The following ZNF385B variants were observed in gnomAD, a reference collection of about 807,000 sequenced individuals.
ZNF385B encodes zinc finger protein 385B.
A neutral mutation model predicts 39.2 loss-of-function variants in ZNF385B; 23 were observed. The observed-to-expected ratio is 0.59, with a 90% CI of 0.42 to 0.83. The LOEUF (loss-of-function observed/expected upper bound fraction) is 0.83, where lower values mean the gene tolerates loss of function less well. Ranked by LOEUF, ZNF385B falls within the 40% of genes least tolerant of loss-of-function variation. The pLI is 0.00. For synonymous variants in ZNF385B, 205 were observed against 222.6 expected (o/e 0.92, Z 0.70); for missense variants, 552 against 598.9 (o/e 0.92, Z 0.82).
At chr2:179,856,733 C>G (rs1287318995) in intron 1 of ZNF385B, among the ~76,000 whole-genome samples, 1 of 151,846 alleles carries the variant, frequency 6.6e-6, no homozygotes, top group Non-Finnish European at 1.5e-5. Context: ...AGCAACGCAA[C>G]TGGCCAGAGA....
intron 1 of ZNF385B, among the ~76,000 whole-genome samples, chr2:179,792,440 T>C (rs189446106): frequency 3.5e-4 from 52 of 146,944 alleles, no homozygotes; most frequent in African/African-American, 1.2e-3. Flanking sequence ...AGTGGCACCA[T>C]CTTGGCTCAC....
chr2:179,458,763 C>A (rs1408030385), intron 6 of ZNF385B, among the ~76,000 whole-genome samples: 1 of 152,138 alleles, frequency 6.6e-6, no homozygotes, highest in Non-Finnish European at 1.5e-5. Flanking sequence ...ACAAACCTTA[C>A]CCTTGTTTAC....
At chr2:179,764,816 T>C (rs1222813474) in intron 3 of ZNF385B, among the ~76,000 whole-genome samples, 1 of 152,236 alleles carries the variant, frequency 6.6e-6, no homozygotes, top group Non-Finnish European at 1.5e-5. Flanking sequence ...ATGTGTCAAC[T>C]TGACTGGGTC....
intron 3 of ZNF385B, among the ~76,000 whole-genome samples, chr2:179,655,530 G>A (rs988465285): frequency 1.3e-5 from 2 of 151,688 alleles, no homozygotes; most frequent in Non-Finnish European, 2.9e-5. Context: ...AATAGGTTAG[G>A]GTTTTAAGAG....
At chr2:179,836,419 A>C (rs1708246979) in intron 1 of ZNF385B, among the ~76,000 whole-genome samples, 1 of 152,228 alleles carries the variant, frequency 6.6e-6, no homozygotes, top group South Asian at 2.1e-4. Flanking sequence ...CAATAAAATA[A>C]AAATGTAAAA....
chr2:179,463,835 T>C lies in ZNF385B; in HGVS notation c.716-17065A>G, dbSNP rs536913728. 7.2e-5 allele frequency among the ~76,000 whole-genome samples: 11 copies of C among 152,308 alleles called. No homozygotes were observed. In the East Asian group the frequency reaches 1.3e-3, roughly 19 times the overall value. On this transcript the variant is annotated intron_variant, in intron 6 of 9. Transcript: ENST00000410066. ...CATACGTGTGCACGTGTCTTTATAG[T>C]AGAATGATTTATAATCCTTTGGGTA...
At chr2:179,608,865 T>C (rs974064127) in intron 3 of ZNF385B, among the ~76,000 whole-genome samples, 11 of 149,052 alleles carry the variant, frequency 7.4e-5, no homozygotes, top group African/African-American at 2.3e-4. Context: ...TGTGTGTGTG[T>C]GTGTGTGTGT....
Position 179,544,977 on chromosome 2 carries a change from G to A in ZNF385B, c.299-8C>T. The A allele has an allele frequency of 6.2e-7, 1 of 1,613,548 alleles. No homozygotes were observed. The highest frequency in any genetic ancestry group is 8.5e-7 in the Non-Finnish European group (1 of 1,179,704). On this transcript the variant is annotated splice_region_variant and splice_polypyrimidine_tract_variant and intron_variant, in intron 3 of 9. Coordinates refer to ENST00000410066, the MANE Select transcript of ZNF385B (RefSeq NM_152520.6). ...TAGTGTGGCATGTACTGCCTGCCAA[G>A]AACAAAACAAAAATGAATTCAATTT...
intron 3 of ZNF385B, among the ~76,000 whole-genome samples, chr2:179,627,606 C>G (rs891375722): frequency 6.6e-6 from 1 of 152,168 alleles, no homozygotes; most frequent in African/African-American, 2.4e-5. Context: ...GAGTACACAT[C>G]TCTTCTCAAC....
chr2:179,726,134 C>G (rs1033035090), intron 3 of ZNF385B, among the ~76,000 whole-genome samples: 1 of 151,932 alleles, frequency 6.6e-6, no homozygotes, highest in African/African-American at 2.4e-5. Flanking sequence ...TTCTCAACTT[C>G]CTTTACAACA....
At chr2:179,644,874 TC>T (rs1692579055) in intron 3 of ZNF385B, among the ~76,000 whole-genome samples, 1 of 145,172 alleles carries the variant, frequency 6.9e-6, no homozygotes, top group South Asian at 2.3e-4. Flanking sequence ...TTGTAAAACT[TC>T]CTGTCTTACA....
At chr2:179,598,994 C>T (rs1422391338) in intron 3 of ZNF385B, among the ~76,000 whole-genome samples, 1 of 151,942 alleles carries the variant, frequency 6.6e-6, no homozygotes, top group Non-Finnish European at 1.5e-5. Flanking sequence ...GAGAATGATC[C>T]CTAATTAAAG....
At chr2:179,493,624 T>C (rs377112263) in intron 5 of ZNF385B, among the ~76,000 whole-genome samples, 18 of 88,624 alleles carry the variant, frequency 2.0e-4, no homozygotes, top group African/African-American at 4.3e-4. Flanking sequence ...TACATATATG[T>C]ATACGCATAT....
intron 3 of ZNF385B, among the ~76,000 whole-genome samples, chr2:179,695,680 A>G (rs946316254): frequency 6.6e-6 from 1 of 152,222 alleles, no homozygotes; most frequent in Non-Finnish European, 1.5e-5. Context: ...CCCAGAATTA[A>G]TAAGTCAAAT....
At chr2:179,532,393 T>C (rs75393513) in intron 4 of ZNF385B, among the ~76,000 whole-genome samples, 1,859 of 152,300 alleles carry the variant, frequency 0.012, 53 homozygotes, top group African/African-American at 0.042. Flanking sequence ...TGGCCATGGA[T>C]ACGGCACCAA....
intron 3 of ZNF385B, chr2:179,576,239 T>G: frequency 5.4e-6 from 5 of 927,854 alleles, no homozygotes; most frequent in Non-Finnish European, 6.4e-6. Context: ...TTTGGATCCA[T>G]CTCCCATGCC....
At chr2:179,625,048 A>G (rs1690537279) in intron 3 of ZNF385B, among the ~76,000 whole-genome samples, 1 of 152,192 alleles carries the variant, frequency 6.6e-6, no homozygotes, top group Non-Finnish European at 1.5e-5. Context: ...GGATTTTATC[A>G]TAGTCTTCAG....
chr2:179,650,437 T>C (rs1014253969), intron 3 of ZNF385B, among the ~76,000 whole-genome samples: 6 of 152,226 alleles, frequency 3.9e-5, no homozygotes, highest in African/African-American at 1.4e-4. Context: ...AAAATAGGTA[T>C]GTATGAGAGA....
At chr2:179,594,991 A>G (rs1038000951) in intron 3 of ZNF385B, among the ~76,000 whole-genome samples, 2 of 152,122 alleles carry the variant, frequency 1.3e-5, no homozygotes, top group Non-Finnish European at 2.9e-5. Flanking sequence ...GTTAGAAACG[A>G]CTAGAAAAAA....
Sources: gnomAD v4.1 joint callset for allele counts (sites outside exome capture counted in the v4.1 genomes callset) on GRCh38, gnomAD v4.1.1 for gene constraint, MANE v1.5 for transcripts, NCBI Gene and HGNC (gene_info 2026-07-23, HGNC 2026-07-21) for gene names.